Variants in TDRD15 observed in about 807,000 individuals in gnomAD.
The protein encoded by TDRD15 is tudor domain-containing protein 15.
For missense variants in TDRD15, 1,416 were observed against 904.7 expected, an observed-to-expected ratio of 1.57 and a Z score of -7.25; for synonymous variants, 503 against 314.5, an observed-to-expected ratio of 1.60 and a Z score of -6.34.
Position 21,142,335 on chromosome 2 carries a change from C to A in TDRD15, c.4868C>A (p.Thr1623Asn). 1 of 688,110 alleles carries A rather than the reference C, an allele frequency of 1.5e-6. No homozygotes were observed. The highest frequency in any genetic ancestry group is 2.7e-6 in the Non-Finnish European group (1 of 375,328). 42.6% of individuals were successfully genotyped at this position (688,110 alleles called of 1,614,324 possible). ...TATGAAATAGTACCTGTATGTAATA[C>A]CAAGCTGCTTAGTAATGAAATAAGA... The part of the protein sequence containing the change: ...GIYEIVPVCN[T>N]KLLSNEIRNI... The change falls in exon 4 of 4, where the codon ACC becomes AAC. Residue 1623 changes from threonine (T) to asparagine (N), a missense_variant. Transcript: ENST00000405799.
At chr2:21,126,801 A>C (rs1195582810) in intron 1 of TDRD15, among the ~76,000 whole-genome samples, 5 of 152,208 alleles carry the variant, frequency 3.3e-5, no homozygotes, top group Admixed American at 2.0e-4. Flanking sequence ...GTATGGACAT[A>C]TACTTTCATT....
In TDRD15 at chr2:21,140,000, G is replaced by A. The variant is rs201452916; in HGVS notation, c.2533G>A (p.Asp845Asn). The part of the protein sequence containing the change: ...YGYQKRVLIE[D>N]LCAINPRFLL... Reference sequence around the variant, plus strand: ...TTACCAAAAAAGGGTTTTAATTGAAGATCTTTGTGCAATTAACCCACGTTT... The same window carrying A: ...TTACCAAAAAAGGGTTTTAATTGAAAATCTTTGTGCAATTAACCCACGTTT... Residue 845 changes from aspartate (D) to asparagine (N), a missense_variant, in exon 4 of 4, where the codon GAT (aspartate) becomes AAT (asparagine). Transcript: ENST00000405799. 1 of 715,792 alleles carries A rather than the reference G, an allele frequency of 1.4e-6. No homozygotes were observed. Among genetic ancestry groups the A allele is most frequent in the Non-Finnish European group, 2.6e-6 (1 of 383,966 alleles). The allele number at this position is 715,792 out of a possible 1,614,324, so 44.3% of individuals were successfully genotyped here. A position where few individuals can be genotyped will look rare whatever the true frequency, so the allele number is the denominator to read the frequency against.
chr2:21,124,587 G>GGT (rs1203054080), intron 1 of TDRD15, among the ~76,000 whole-genome samples: 1 of 138,270 alleles, frequency 7.2e-6, no homozygotes, highest in Non-Finnish European at 1.5e-5. Flanking sequence ...CTAATGCCAG[G>GGT]GTGTGTGTGT....
chr2:21,144,762 A>G (rs1666005949), downstream of TDRD15, among the ~76,000 whole-genome samples: 1 of 151,978 alleles, frequency 6.6e-6, no homozygotes, highest in African/African-American at 2.4e-5. Context: ...ATTCAGAAGG[A>G]GAAAGATAAT....
intron 1 of TDRD15, 33 bp downstream of exon 1, chr2:21,124,079 C>G (rs532704337): frequency 5.9e-5 from 9 of 152,462 alleles, no homozygotes; most frequent in African/African-American, 2.2e-4. Context: ...TATGGTTAGC[C>G]TGCTCTAGGT....
At chr2:21,137,039 T>C (rs1665821148) in intron 3 of TDRD15, among the ~76,000 whole-genome samples, 2 of 152,026 alleles carry the variant, frequency 1.3e-5, no homozygotes, top group Non-Finnish European at 2.9e-5. Context: ...CTTTGAGTTA[T>C]AGGTTGTTGG....
At chr2:21,131,622 T>C (rs968324803) in intron 2 of TDRD15, among the ~76,000 whole-genome samples, 10 of 152,324 alleles carry the variant, frequency 6.6e-5, no homozygotes, top group Non-Finnish European at 1.2e-4. Flanking sequence ...GAAGCAGATA[T>C]GAGAATCCAG....
chr2:21,140,731 A>G lies in TDRD15; in HGVS notation c.3264A>G (p.Val1088=). 1 of 714,014 alleles carries G rather than the reference A, an allele frequency of 1.4e-6. No homozygotes were observed. The highest frequency in any genetic ancestry group is 2.6e-6 in the Non-Finnish European group (1 of 383,166). The allele number at this position is 714,014 out of a possible 1,614,324, so 44.2% of individuals were successfully genotyped here. A position where few individuals can be genotyped will look rare whatever the true frequency, so the allele number is the denominator to read the frequency against. Residue 1088 remains valine (V), a synonymous_variant, in exon 4 of 4, where the codon GTA becomes GTG. Transcript: ENST00000405799. Reference sequence around the variant, plus strand: ...GTTTTTTGTCAGATCTTAGGGATGTAGATATTCCAGCAGAAATCAGTAGTT... The same window carrying G: ...GTTTTTTGTCAGATCTTAGGGATGTGGATATTCCAGCAGAAATCAGTAGTT... The part of the protein sequence containing the change: ...IKCFLSDLRD[V]DIPAEISSWF...
chr2:21,143,222 C>T lies in TDRD15; in HGVS notation c.5755C>T (p.Pro1919Ser), dbSNP rs944084682. The change falls in exon 4 of 4, where the codon CCT becomes TCT. Residue 1919 changes from proline (P) to serine (S), a missense_variant. Transcript: ENST00000405799. ...SGLATYSKDSPHLDAITATES... is the reference protein window; with the variant it reads ...SGLATYSKDSSHLDAITATES... ...TCTCGCAACTTATTCTAAAGATTCA[C>T]CTCATCTTGATGCAATTACTGCTAC... 2.3e-5 allele frequency: 15 copies of T among 664,598 alleles called. No individual in the cohort carries two copies. The highest frequency in any genetic ancestry group is 2.7e-5 in the Non-Finnish European group (10 of 364,938). 41.2% of individuals were successfully genotyped at this position (664,598 alleles called of 1,614,324 possible).
chr2:21,144,164 T>C lies in TDRD15; in HGVS notation c.*892T>C, dbSNP rs1665994464. Among the ~76,000 whole-genome samples, 1 of 151,814 alleles carries C rather than the reference T, an allele frequency of 6.6e-6. No homozygotes were observed. Among genetic ancestry groups the C allele is most frequent in the Admixed American group, 6.6e-5 (1 of 15,198 alleles). ...TATAAATAAACTGACTAGCATATTT[T>C]CTCTTAAGTCTTTTAAATGTCAAAC... On this transcript the variant is annotated 3_prime_UTR_variant, in exon 4 of 4. Coordinates refer to ENST00000405799, the MANE Select transcript of TDRD15 (RefSeq NM_001306137.2).
intron 2 of TDRD15, 133 bp downstream of exon 2, chr2:21,127,844 A>G (rs1665630352): frequency 6.6e-6 from 1 of 152,134 alleles, no homozygotes; most frequent in Non-Finnish European, 1.5e-5. Flanking sequence ...GCATCCCAGG[A>G]TTTTGATTGG....
chr2:21,140,390 T>A lies in TDRD15; in HGVS notation c.2923T>A (p.Tyr975Asn). The A allele has an allele frequency of 1.4e-6, 1 of 696,882 alleles. No homozygotes were observed. Among genetic ancestry groups the A allele is most frequent in the Non-Finnish European group, 2.6e-6 (1 of 378,758 alleles). The allele number at this position is 696,882 out of a possible 1,614,324, so 43.2% of individuals were successfully genotyped here. Residue 975 changes from tyrosine to asparagine, a missense_variant, in exon 4 of 4, where the codon TAT becomes AAT. Tyr to Asn is a moderately radical substitution (Grantham distance 143). Coordinates refer to ENST00000405799, the MANE Select transcript of TDRD15 (RefSeq NM_001306137.2). ...SEEEVYISHI[Y>N]SPQKFYCQLG... is the part of the protein sequence containing the mutation. ...AGAAGAAGTATATATATCTCACATA[T>A]ATAGTCCCCAAAAGTTTTATTGCCA... is the stretch of plus-strand genomic sequence containing the variant.
Position 21,143,419 on chromosome 2 carries a change from A to T in TDRD15, c.*147A>T. ...TAAGAACCTCTTAAGGAAAATTCGT[A>T]TTAGTAAAAGATCACATTCTAGAAA... On this transcript the variant is annotated 3_prime_UTR_variant, in exon 4 of 4. Coordinates refer to ENST00000405799, the MANE Select transcript of TDRD15 (RefSeq NM_001306137.2). 2.2e-6 allele frequency: 1 copy of T among 454,430 alleles called. No individual in the cohort carries two copies. Among genetic ancestry groups the T allele is most frequent in the Non-Finnish European group, 3.9e-6 (1 of 258,736 alleles). The allele number at this position is 454,430 out of a possible 1,614,324, so 28.1% of individuals were successfully genotyped here.
chr2:21,137,798 T>C lies in TDRD15; in HGVS notation c.331T>C (p.Cys111Arg), dbSNP rs1225472484. ...TGCTGGTCCACAGATTGCTTCAGCC[T>C]GTGGCAATTTATTTGAGCTACCGCC... ...RVAGPQIASA[C>R]GNLFELPPRV... The change falls in exon 4 of 4, where the codon TGT (cysteine) becomes CGT (arginine). Residue 111 changes from cysteine to arginine, a missense_variant. Transcript: ENST00000405799. 8 of 716,484 alleles carry C rather than the reference T, an allele frequency of 1.1e-5. No homozygotes were observed. Among genetic ancestry groups the C allele is most frequent in the Non-Finnish European group, 1.0e-5 (4 of 384,492 alleles). 44.4% of individuals were successfully genotyped at this position (716,484 alleles called of 1,614,324 possible).
downstream of TDRD15, among the ~76,000 whole-genome samples, chr2:21,144,383 A>G (rs1220610194): frequency 1.3e-5 from 2 of 151,874 alleles, no homozygotes; most frequent in Non-Finnish European, 2.9e-5. Context: ...CTGTATTATA[A>G]CTAATGTCAT....
Position 21,139,618 on chromosome 2 carries a change from C to G in TDRD15, c.2151C>G (p.Asn717Lys). 2 of 715,264 alleles carry G rather than the reference C, an allele frequency of 2.8e-6. No individual in the cohort carries two copies. The highest frequency in any genetic ancestry group is 1.5e-5 in the South Asian group (1 of 67,332). The allele number at this position is 715,264 out of a possible 1,614,324, so 44.3% of individuals were successfully genotyped here. A position where few individuals can be genotyped will look rare whatever the true frequency, so the allele number is the denominator to read the frequency against. Residue 717 changes from asparagine (N) to lysine (K), a missense_variant, in exon 4 of 4, where the codon AAC becomes AAG. Physicochemically the swap from Asn to Lys is moderately conservative, Grantham distance 94 (BLOSUM62 0). Transcript: ENST00000405799. ...ATTCAAATAACCTGGTGGAAAATAA[C>G]TTGTCTTTGCCAAAGTCCCTAGCTG... is the stretch of plus-strand genomic sequence containing the variant. ...KYHSNNLVEN[N>K]LSLPKSLAVN...
At chr2:21,145,679 A>G (rs1178546630), downstream of TDRD15, among the ~76,000 whole-genome samples, 1 of 152,050 alleles carries the variant, frequency 6.6e-6, no homozygotes, top group Non-Finnish European at 1.5e-5. Context: ...CATACTTGCT[A>G]TAATCATAGC....
Position 21,125,427 on chromosome 2 carries a change from A to AGG in TDRD15, c.-201+1383_-201+1384dup, listed in dbSNP as rs200147450. On this transcript the variant is annotated intron_variant, in intron 1 of 3. Transcript: ENST00000405799. The stretch of plus-strand genomic sequence containing the variant: ...TGTGTTAGGAAGAGATCCGAATGCC[A>AGG]GGGTGTGTGTGTGTGTGTGTGTGAG... 5.1e-4 allele frequency among the ~76,000 whole-genome samples: 64 copies of AGG among 125,510 alleles called. No homozygotes were observed. The East Asian group carries it at 0.011, about 22-fold the overall frequency. 82.3% of individuals were successfully genotyped at this position (125,510 alleles called of 152,430 possible). A position where few individuals can be genotyped will look rare whatever the true frequency, so the allele number is the denominator to read the frequency against.
chr2:21,133,391 A>G (rs1009216270), intron 2 of TDRD15, among the ~76,000 whole-genome samples: 3 of 151,908 alleles, frequency 2.0e-5, no homozygotes. Context: ...TTTCTTTTGT[A>G]TTTGCATCTT....
Sources: gnomAD v4.1 joint callset for allele counts (sites outside exome capture counted in the v4.1 genomes callset) on GRCh38, gnomAD v4.1.1 for gene constraint, MANE v1.5 for transcripts, NCBI Gene and HGNC (gene_info 2026-07-23, HGNC 2026-07-21) for gene names.